The following XRN2 variants were observed in gnomAD, a reference collection of about 807,000 sequenced individuals.
XRN2 encodes the protein 5'-3' exoribonuclease 2, also known as DHM1-like protein.
Under a neutral mutation model 138.5 loss-of-function variants are expected in XRN2, and 44 were observed. That is an observed-to-expected ratio of 0.32 (90% CI 0.25 to 0.41). The LOEUF (loss-of-function observed/expected upper bound fraction) is 0.41, where lower values mean the gene tolerates loss of function less well. Ranked by LOEUF, XRN2 falls within the 10% of genes least tolerant of loss-of-function variation. The probability of loss-of-function intolerance (pLI) is 1.00; values close to 1 mark genes in which losing one functional copy is unlikely to be tolerated. For synonymous variants in XRN2, 354 were observed against 369.4 expected, an observed-to-expected ratio of 0.96 and a Z score of 0.48; for missense variants, 937 against 1,169.3, an observed-to-expected ratio of 0.80 and a Z score of 2.90.
At chr20:21,343,174 G>A (rs781141989) in intron 15 of XRN2, among the ~76,000 whole-genome samples, 6 of 152,028 alleles carry the variant, frequency 3.9e-5, no homozygotes, top group Non-Finnish European at 7.4e-5. Context: ...TATACTGTGA[G>A]TAACAGAAGA....
rs776114576 is a variant in XRN2, at chr20:21,333,701, T to C, written c.934-3T>C. ...TAATGGCAGCATTCCTTTTTGGTTG[T>C]AGTATTTGGAAAGAGAACTCACAAT... On this transcript the variant is annotated splice_polypyrimidine_tract_variant and splice_region_variant and intron_variant, in intron 10 of 29. Transcript: ENST00000377191. 1.2e-6 allele frequency: 2 copies of C among 1,614,082 alleles called. No homozygotes were observed. The highest frequency in any genetic ancestry group is 1.7e-6 in the Non-Finnish European group (2 of 1,179,984).
intron 15 of XRN2, among the ~76,000 whole-genome samples, chr20:21,343,445 A>T (rs189235286): frequency 6.6e-6 from 1 of 152,058 alleles, no homozygotes; most frequent in Admixed American, 6.5e-5. Context: ...TGACTAATAG[A>T]TTTTTATTTG....
At chr20:21,371,502 G>A (rs902367692) in intron 27 of XRN2, among the ~76,000 whole-genome samples, 5 of 152,188 alleles carry the variant, frequency 3.3e-5, no homozygotes, top group African/African-American at 7.2e-5. Context: ...GCTGCTTCCC[G>A]TAAGATTTAG....
chr20:21,383,797 G>A (rs1184567462), intron 28 of XRN2, among the ~76,000 whole-genome samples: 1 of 152,142 alleles, frequency 6.6e-6, no homozygotes, highest in African/African-American at 2.4e-5. Context: ...TTCTGACTTT[G>A]TGAACCCAGC....
At chr20:21,339,523 T>G (rs2038344084) in intron 14 of XRN2, among the ~76,000 whole-genome samples, 1 of 152,202 alleles carries the variant, frequency 6.6e-6, no homozygotes, top group African/African-American at 2.4e-5. Flanking sequence ...AATTCTGTCT[T>G]AGTTTGGTGT....
At chr20:21,367,340 A>G (rs553576339) in intron 26 of XRN2, among the ~76,000 whole-genome samples, 1 of 152,328 alleles carries the variant, frequency 6.6e-6, no homozygotes, top group East Asian at 1.9e-4. Context: ...TCATGCATTA[A>G]TAATGATAAC....
rs1420646222 is a variant in XRN2 at position 21,370,972 on chromosome 20, G to T, written c.2584+2382G>T. 2.0e-5 allele frequency among the ~76,000 whole-genome samples: 3 copies of T among 152,094 alleles called. No individual in the cohort carries two copies. In the East Asian group the frequency reaches 5.8e-4, roughly 29 times the overall value. ...AGCATGGGGGAGAAGAAACAGTGTG[G>T]CAAGATGCTCACGTTTGTTAAATCT... On this transcript the variant is annotated intron_variant, in intron 27 of 29. Coordinates refer to ENST00000377191, the MANE Select transcript of XRN2 (RefSeq NM_012255.5).
chr20:21,323,786 G>C (rs934108403), intron 1 of XRN2, among the ~76,000 whole-genome samples: 2 of 152,176 alleles, frequency 1.3e-5, no homozygotes, highest in Admixed American at 6.5e-5. Flanking sequence ...CTAGGCACTA[G>C]GGCAGGGATT....
intron 6 of XRN2, 21 bp downstream of exon 6, chr20:21,330,726 C>G: frequency 6.3e-7 from 1 of 1,596,430 alleles, no homozygotes; most frequent in Admixed American, 1.7e-5. Context: ...CATTTTGATA[C>G]TTCAGAAAGA....
intron 8 of XRN2, 48 bp downstream of exon 8, chr20:21,331,866 A>G (rs1407126426): frequency 1.3e-6 from 2 of 1,595,192 alleles, no homozygotes; most frequent in African/African-American, 1.3e-5. Context: ...AACCATAGCA[A>G]GTTGATGGGT....
At chr20:21,346,368 A>G (rs2038435289) in intron 16 of XRN2, 47 bp from the exon 17 acceptor site, 2 of 1,606,264 alleles carry the variant, frequency 1.2e-6, no homozygotes, top group Admixed American at 3.4e-5. Context: ...ACAGCCTGTT[A>G]CTGAAGGTGT....
intron 1 of XRN2, among the ~76,000 whole-genome samples, chr20:21,312,700 C>G (rs111924795): frequency 2.0e-5 from 3 of 151,266 alleles, no homozygotes; most frequent in African/African-American, 7.3e-5. Context: ...ACCTCTGCCT[C>G]CTGGGTTCAA....
At chr20:21,363,900 TC>T (rs1568591942) in intron 24 of XRN2, among the ~76,000 whole-genome samples, 1 of 152,222 alleles carries the variant, frequency 6.6e-6, no homozygotes, top group Non-Finnish European at 1.5e-5. Flanking sequence ...TATATATGTT[TC>T]CCATGTCATT....
intron 20 of XRN2, 27 bp from the exon 21 acceptor site, chr20:21,354,762 G>A: frequency 6.2e-7 from 1 of 1,609,604 alleles, no homozygotes; most frequent in Non-Finnish European, 8.5e-7. Context: ...GGTAGCAGGG[G>A]TGGTTCATTT....
chr20:21,359,542 A>G (rs530425395), intron 24 of XRN2, among the ~76,000 whole-genome samples: 69 of 152,116 alleles, frequency 4.5e-4, no homozygotes, highest in Non-Finnish European at 7.4e-4. Flanking sequence ...AAAAAAATGT[A>G]TAAAACAAAT....
rs2038395055 is a variant in XRN2 at position 21,343,293 on chromosome 20, AAT to A, written c.1411-794_1411-793del. ...TTTTCTTTTAATTTTTAAATATTAA[AAT>A]ATGTTAGGGTTATATTAAAATATGT... On this transcript the variant is annotated intron_variant, in intron 15 of 29. Coordinates refer to ENST00000377191, the MANE Select transcript of XRN2 (RefSeq NM_012255.5). 3.9e-5 allele frequency among the ~76,000 whole-genome samples: 6 copies of A among 152,196 alleles called. 1 individual carries two copies. In the South Asian group the frequency reaches 1.2e-3, roughly 32 times the overall value.
intron 20 of XRN2, among the ~76,000 whole-genome samples, chr20:21,354,453 A>C (rs778332154): frequency 5.9e-5 from 9 of 152,210 alleles, no homozygotes; most frequent in Non-Finnish European, 1.0e-4. Flanking sequence ...GCTTGGGGGC[A>C]TCTTAGTAAC....
chr20:21,385,987 A>T (rs1156287152), intron 28 of XRN2, among the ~76,000 whole-genome samples: 1 of 152,204 alleles, frequency 6.6e-6, no homozygotes, highest in Non-Finnish European at 1.5e-5. Flanking sequence ...GAAGTTATGG[A>T]AAGTGCCTTA....
At chr20:21,378,835 G>A (rs907189547) in intron 27 of XRN2, among the ~76,000 whole-genome samples, 7 of 152,150 alleles carry the variant, frequency 4.6e-5, no homozygotes, top group African/African-American at 1.7e-4. Context: ...GTCTGCTGTA[G>A]GTATTTCTTA....
Sources: allele counts gnomAD v4.1 joint callset (sites outside exome capture counted in the v4.1 genomes callset), GRCh38; gene constraint gnomAD v4.1.1; transcripts MANE v1.5; gene names NCBI Gene and HGNC (gene_info 2026-07-23, HGNC 2026-07-21).